The following CWH43 variants were observed in gnomAD, a reference collection of about 807,000 sequenced individuals.
CWH43 encodes cell wall biogenesis 43 C-terminal homolog, also known as PGAP2-interacting protein.
In CWH43, 91 loss-of-function variants were observed where a neutral mutation model predicts 85.7. The ratio of observed to expected loss-of-function variants is 1.06; its 90% confidence interval spans 0.90 to 1.26. The LOEUF (loss-of-function observed/expected upper bound fraction) is 1.26, where lower values mean the gene tolerates loss of function less well. CWH43 is among the 50% of genes most tolerant of loss of function. CWH43 has a pLI of 0.00. For synonymous variants in CWH43, 323 were observed against 293.6 expected (o/e 1.10, Z -1.02); for missense variants, 869 against 839.2 (o/e 1.04, Z -0.44).
intron 13 of CWH43, 145 bp from the exon 14 acceptor site, chr4:49,044,641 G>C: frequency 1.7e-6 from 1 of 582,612 alleles, no homozygotes; most frequent in South Asian, 2.6e-5. Context: ...CAAATAATTT[G>C]GACCAAAAAA....
intron 2 of CWH43, among the ~76,000 whole-genome samples, chr4:48,990,219 C>T (rs1040502732): frequency 7.2e-5 from 11 of 152,264 alleles, no homozygotes; most frequent in Middle Eastern, 3.4e-3. Flanking sequence ...TCCCTTTTCA[C>T]TTTCTTCCTC....
chr4:48,986,458 T>C lies in CWH43; in HGVS notation c.29T>C (p.Leu10Ser). Residue 10 changes from leucine to serine, a missense_variant, in exon 1 of 16, where the codon TTG (leucine) becomes TCG (serine). Transcript: ENST00000226432. ...CCCTCGCTGTGGAGAGAAATCCTCT[T>C]GGAGTCGCTGCTGGGTAAGCCGAAG... The part of the protein sequence containing the change: MPSLWREIL[L>S]ESLLGCVSWS... 6.4e-7 allele frequency: 1 copy of C among 1,550,456 alleles called. No homozygotes were observed. The highest frequency in any genetic ancestry group is 8.7e-7 in the Non-Finnish European group (1 of 1,144,142).
chr4:49,039,091 A>T (rs920510264), intron 13 of CWH43, among the ~76,000 whole-genome samples: 1 of 146,318 alleles, frequency 6.8e-6, no homozygotes, highest in African/African-American at 2.5e-5. Context: ...ATAAATAAAT[A>T]AATAAATAAT....
chr4:49,058,720 C>T (rs1785046105), intron 15 of CWH43, among the ~76,000 whole-genome samples: 1 of 152,208 alleles, frequency 6.6e-6, no homozygotes, highest in Non-Finnish European at 1.5e-5. Context: ...CCCTGAAGGA[C>T]AGCCTTGCTA....
At chr4:49,030,452 A>G (rs1211123711) in intron 10 of CWH43, among the ~76,000 whole-genome samples, 1 of 152,198 alleles carries the variant, frequency 6.6e-6, no homozygotes, top group African/African-American at 2.4e-5. Context: ...CTGGGTCAGT[A>G]CTATGGAGCT....
chr4:49,015,809 T>C (rs2109781521), intron 8 of CWH43, among the ~76,000 whole-genome samples: 2 of 152,286 alleles, frequency 1.3e-5, no homozygotes, highest in Non-Finnish European at 2.9e-5. Context: ...GTTTCTAATT[T>C]CAATTATTAT....
At chr4:49,054,999 C>G (rs1577716033) in intron 15 of CWH43, among the ~76,000 whole-genome samples, 1 of 151,608 alleles carries the variant, frequency 6.6e-6, no homozygotes, top group Non-Finnish European at 1.5e-5. Context: ...GTATTTTATT[C>G]CTTTTACTTG....
intron 8 of CWH43, 125 bp from the exon 9 acceptor site, chr4:49,017,124 C>G (rs190959278): frequency 1.2e-6 from 1 of 804,296 alleles, no homozygotes; most frequent in Non-Finnish European, 2.1e-6. Flanking sequence ...TCTTCCAGGT[C>G]CTCCAAGAAG....
intron 12 of CWH43, among the ~76,000 whole-genome samples, chr4:49,037,421 T>A (rs968493651): frequency 1.3e-5 from 2 of 152,006 alleles, no homozygotes; most frequent in Non-Finnish European, 2.9e-5. Flanking sequence ...ATACAAAAAT[T>A]AAGTTGGGCA....
chr4:49,033,022 G>A (rs1784149853), intron 12 of CWH43, among the ~76,000 whole-genome samples: 1 of 152,084 alleles, frequency 6.6e-6, no homozygotes, highest in Non-Finnish European at 1.5e-5. Context: ...AGCACTCTTA[G>A]AGCCCCGTTT....
At chr4:49,023,574 C>T (rs1577682435) in intron 9 of CWH43, among the ~76,000 whole-genome samples, 1 of 152,046 alleles carries the variant, frequency 6.6e-6, no homozygotes, top group African/African-American at 2.4e-5. Flanking sequence ...GGGGTTTCGC[C>T]CCATGTTGGT....
chr4:48,995,117 G>A (rs568013482), intron 5 of CWH43, among the ~76,000 whole-genome samples: 1 of 152,352 alleles, frequency 6.6e-6, no homozygotes, highest in Non-Finnish European at 1.5e-5. Context: ...CTGCACAGAA[G>A]AGCATTCTCA....
Position 49,038,168 on chromosome 4 carries a change from T to C in CWH43, c.1791T>C (p.His597=), listed in dbSNP as rs1404194305. ...GAGATTATCTACAGCTCACTGAACA[T>C]GGCAATGTGAAGGTAACATAATCTT... is the stretch of plus-strand genomic sequence containing the variant. The part of the protein sequence containing the change: ...GSRDYLQLTE[H]GNVKDIDSTD... The change falls in exon 13 of 16, where the codon CAT becomes CAC. Residue 597 remains histidine (H), a synonymous_variant. Coordinates refer to ENST00000226432, the MANE Select transcript of CWH43 (RefSeq NM_025087.3). 2 of 1,580,200 alleles carry C rather than the reference T, an allele frequency of 1.3e-6. No individual in the cohort carries two copies. The highest frequency in any genetic ancestry group is 1.7e-6 in the Non-Finnish European group (2 of 1,164,660).
chr4:49,026,305 C>T (rs1783914383), intron 9 of CWH43, among the ~76,000 whole-genome samples: 1 of 152,208 alleles, frequency 6.6e-6, no homozygotes, highest in South Asian at 2.1e-4. Flanking sequence ...CAAGCCAACT[C>T]ATAGTTCCTT....
rs869290195 is a variant in CWH43, at chr4:49,007,476, G to GT, written c.1186+157dup. On this transcript the variant is annotated intron_variant, in intron 8 of 15. Coordinates refer to ENST00000226432, the MANE Select transcript of CWH43 (RefSeq NM_025087.3). ...ATGTTGTTAATAGCTATCTTCTCTA[G>GT]TTTTTTTAAAAAATTATACTTTAAG... is the stretch of plus-strand genomic sequence containing the variant. 3.1e-5 allele frequency: 32 copies of GT among 1,033,164 alleles called. No individual in the cohort carries two copies. In the South Asian group the frequency reaches 4.3e-4, roughly 14 times the overall value. The allele number at this position is 1,033,164 out of a possible 1,614,324, so 64.0% of individuals were successfully genotyped here.
At chr4:49,000,452 T>G (rs1292769379) in intron 6 of CWH43, among the ~76,000 whole-genome samples, 1 of 152,210 alleles carries the variant, frequency 6.6e-6, no homozygotes, top group Admixed American at 6.5e-5. Flanking sequence ...AGAGTAATCT[T>G]TCTTCTCATC....
chr4:48,995,581 C>A (rs1031703247), intron 5 of CWH43, among the ~76,000 whole-genome samples: 1 of 152,154 alleles, frequency 6.6e-6, no homozygotes, highest in Non-Finnish European at 1.5e-5. Flanking sequence ...TGGGCATATC[C>A]CACAGGCTTG....
chr4:49,009,833 A>G (rs564469668), intron 8 of CWH43, among the ~76,000 whole-genome samples: 28 of 151,972 alleles, frequency 1.8e-4, no homozygotes, highest in African/African-American at 6.5e-4. Context: ...AGCTAACTTG[A>G]TCTTGGTGGA....
At chr4:49,039,976 A>G (rs770939427) in intron 13 of CWH43, among the ~76,000 whole-genome samples, 5 of 151,830 alleles carry the variant, frequency 3.3e-5, no homozygotes, top group African/African-American at 4.8e-5. Context: ...GTTCCCACCA[A>G]TGAGTGAGAA....
Sources: gnomAD v4.1 joint callset for allele counts (sites outside exome capture counted in the v4.1 genomes callset) on GRCh38, gnomAD v4.1.1 for gene constraint, MANE v1.5 for transcripts, NCBI Gene and HGNC (gene_info 2026-07-23, HGNC 2026-07-21) for gene names.